EIF3B: variants seen among roughly 807,000 people sequenced by gnomAD.
EIF3B encodes the protein eukaryotic translation initiation factor 3 subunit B.
In EIF3B, 10 loss-of-function variants were observed where a neutral mutation model predicts 104.6. The observed-to-expected ratio is 0.10, with a 90% CI of 0.06 to 0.16. The LOEUF is 0.16. Ranked by LOEUF, EIF3B falls within the 10% of genes least tolerant of loss-of-function variation. The pLI, the probability that EIF3B is intolerant of heterozygous loss-of-function variation, is 1.00. For synonymous variants in EIF3B, 542 were observed against 417.2 expected (o/e 1.30, Z -3.65); for missense variants, 1,014 against 1,087.9 (o/e 0.93, Z 0.96).
intron 11 of EIF3B, 34 bp downstream of exon 11, chr7:2,371,883 G>T: frequency 6.5e-7 from 1 of 1,533,524 alleles, no homozygotes. Flanking sequence ...GAGGCGAATG[G>T]GGCCTACGTG....
At position 2,375,436 on chromosome 7, in the gene EIF3B, T is replaced by C. The variant is rs1387296838; in HGVS notation, c.1937T>C (p.Met646Thr). The C allele has an allele frequency of 6.2e-7, 1 of 1,614,242 alleles. No individual in the cohort carries two copies. The highest frequency in any genetic ancestry group is 2.2e-5 in the East Asian group (1 of 44,886). Residue 646 changes from methionine (M) to threonine (T), a missense_variant, in exon 14 of 19, where the codon ATG becomes ACG. By Grantham distance (81) the Met-to-Thr change is moderately conservative (BLOSUM62 -1). Transcript: ENST00000360876. ...AFVDTSDCTV[M>T]NIAEHYMASD... Reference sequence around the variant, plus strand: ...GTGGACACTTCGGACTGCACGGTCATGAACATCGCAGAGCACTACATGGCT... The same window carrying C: ...GTGGACACTTCGGACTGCACGGTCACGAACATCGCAGAGCACTACATGGCT...
At chr7:2,376,314 G>A (rs1270953582) in intron 14 of EIF3B, 2 of 143,054 alleles carry the variant, frequency 1.4e-5, no homozygotes, top group Admixed American at 7.3e-5. Flanking sequence ...GAGCAACATA[G>A]CGAAACCCTA....
rs768201055 is a variant in EIF3B, at chr7:2,366,318, T to C, written c.1159T>C (p.Tyr387His). 1.2e-6 allele frequency: 2 copies of C among 1,604,014 alleles called. No homozygotes were observed. The highest frequency in any genetic ancestry group is 1.7e-6 in the Non-Finnish European group (2 of 1,175,766). ...QLIDFSPCER[Y>H]LVTFSPLMDT... ...TACAGTGTTGCCCTTCTCTTCTAGG[T>C]ACCTGGTGACCTTTAGCCCCCTGAT... is the stretch of plus-strand genomic sequence containing the variant. The change falls in exon 7 of 19, where the codon TAC becomes CAC. Residue 387 changes from tyrosine to histidine, a missense_variant and splice_region_variant. Transcript: ENST00000360876.
intron 1 of EIF3B, among the ~76,000 whole-genome samples, chr7:2,359,261 G>T (rs768195009): frequency 6.6e-6 from 1 of 152,176 alleles, no homozygotes. Context: ...TGTAGACGAG[G>T]ACTTGATTGA....
rs754477038 is a variant in EIF3B at position 2,366,392 on chromosome 7, G to A, written c.1233G>A (p.Thr411=). ...PQAIIIWDIL[T]GHKKRGFHCE... ...CCATAATCATCTGGGACATCCTTAC[G>A]GGGCACAAGAAGAGGGGTTTTCACT... Residue 411 remains threonine (T), a synonymous_variant, in exon 7 of 19, where the codon ACG becomes ACA. Coordinates refer to ENST00000360876, the MANE Select transcript of EIF3B (RefSeq NM_001037283.2). The A allele has an allele frequency of 9.9e-6, 16 of 1,613,890 alleles. No individual in the cohort carries two copies. The highest frequency in any genetic ancestry group is 4.0e-5 in the African/African-American group (3 of 74,860).
chr7:2,367,773 C>T (rs1015887864), intron 9 of EIF3B, among the ~76,000 whole-genome samples: 2 of 146,058 alleles, frequency 1.4e-5, no homozygotes, highest in African/African-American at 5.1e-5. Context: ...CAGCCTGTCA[C>T]TCAGTTCTTA....
chr7:2,363,604 T>C, intron 4 of EIF3B, 28 bp from the exon 5 acceptor site: 1 of 1,568,592 alleles, frequency 6.4e-7, no homozygotes, highest in Non-Finnish European at 8.6e-7. Context: ...ATTAATGAAA[T>C]GTTATATTCC....
Position 2,355,146 on chromosome 7 carries a change from G to A in EIF3B, c.225G>A (p.Glu75=). Residue 75 remains glutamate, a synonymous_variant, in exon 1 of 19, where the codon GAG becomes GAA. Transcript: ENST00000360876. ...GGACCGAGCCGGCGGCCGAGGCAGAGGCGGCCTCCGGCCCGTCCGAGTCGC... is the reference window on the plus strand; with the variant it reads ...GGACCGAGCCGGCGGCCGAGGCAGAAGCGGCCTCCGGCCCGTCCGAGTCGC... ...EVRTEPAAEA[E]AASGPSESPS... 7.0e-7 allele frequency: 1 copy of A among 1,423,336 alleles called. No individual in the cohort carries two copies. The highest frequency in any genetic ancestry group is 9.1e-7 in the Non-Finnish European group (1 of 1,098,364). 88.2% of individuals were successfully genotyped at this position (1,423,336 alleles called of 1,614,324 possible). A position where few individuals can be genotyped will look rare whatever the true frequency, so the allele number is the denominator to read the frequency against.
rs753386511 is a variant in EIF3B at position 2,372,570 on chromosome 7, C to T, written c.1688-103C>T. 45 of 1,413,604 alleles carry T rather than the reference C, an allele frequency of 3.2e-5. 1 individual carries two copies. The highest frequency in any genetic ancestry group is 3.7e-4 in the Middle Eastern group (2 of 5,406). 87.6% of individuals were successfully genotyped at this position (1,413,604 alleles called of 1,614,324 possible). ...GTCCTTTTAATGAACTTTTACACGTCGGGGGATATTTCTCTGTGGTTGAAT... is the reference window on the plus strand; with the variant it reads ...GTCCTTTTAATGAACTTTTACACGTTGGGGGATATTTCTCTGTGGTTGAAT... On this transcript the variant is annotated intron_variant, in intron 11 of 18. Transcript: ENST00000360876.
At chr7:2,362,960 A>G in intron 3 of EIF3B, 110 bp from the exon 4 acceptor site, 1 of 1,468,658 alleles carries the variant, frequency 6.8e-7, no homozygotes, top group South Asian at 1.1e-5. Context: ...TGCCAGTCAC[A>G]GCCCTGGGGG....
intron 12 of EIF3B, chr7:2,373,500 T>C (rs7783775): frequency 0.8 from 121,418 of 152,242 alleles, 49,348 homozygotes; most frequent in African/African-American, 0.95. Flanking sequence ...TGGGTTTGGC[T>C]CTGTACCAGG....
chr7:2,374,495 G>T (rs373374614), intron 12 of EIF3B, 33 bp from the exon 13 acceptor site: 10 of 1,609,992 alleles, frequency 6.2e-6, no homozygotes, highest in Non-Finnish European at 8.5e-6. Context: ...GGAAGCCCTC[G>T]CAGCTCGTGA....
chr7:2,358,315 C>T (rs762826761), intron 1 of EIF3B, among the ~76,000 whole-genome samples: 33 of 152,056 alleles, frequency 2.2e-4, no homozygotes, highest in Non-Finnish European at 4.7e-4. Context: ...AACTCCTGGC[C>T]TCATGTGATT....
At chr7:2,374,245 A>G (rs889089963) in intron 12 of EIF3B, 2 of 331,486 alleles carry the variant, frequency 6.0e-6, no homozygotes, top group Non-Finnish European at 5.7e-6. Context: ...GCAGCAGTGA[A>G]CATTTGCTGT....
chr7:2,370,108 G>A (rs1181107946), intron 10 of EIF3B, among the ~76,000 whole-genome samples: 2 of 152,184 alleles, frequency 1.3e-5, no homozygotes, highest in African/African-American at 2.4e-5. Flanking sequence ...AGCACAAGGA[G>A]TAGTATACTC....
In EIF3B at chr7:2,378,722, A is replaced by T. The variant is rs753122413; in HGVS notation, c.2188A>T (p.Ile730Phe). The T allele has an allele frequency of 3.7e-6, 6 of 1,614,070 alleles. 1 individual carries two copies. Among genetic ancestry groups the T allele is most frequent in the Non-Finnish European group, 5.1e-6 (6 of 1,179,944 alleles). The change falls in exon 16 of 19, where the codon ATC (isoleucine) becomes TTC (phenylalanine). Residue 730 changes from isoleucine (I) to phenylalanine (F), a missense_variant. By Grantham distance (21) the Ile-to-Phe change is conservative. This residue lies in a region of EIF3B where 266 missense variants were observed against 324.0 expected (regional missense o/e 0.82). Transcript: ENST00000360876. ...AAAGGATCTGAAGAAATACTCTAAGATCTTTGAACAGAAGGATCGTTTGAG... is the reference window on the plus strand; with the variant it reads ...AAAGGATCTGAAGAAATACTCTAAGTTCTTTGAACAGAAGGATCGTTTGAG... ...IKKDLKKYSKIFEQKDRLSQS... is the reference protein window; with the variant it reads ...IKKDLKKYSKFFEQKDRLSQS...
At chr7:2,357,425 C>T (rs1434810569) in intron 1 of EIF3B, among the ~76,000 whole-genome samples, 2 of 152,172 alleles carry the variant, frequency 1.3e-5, no homozygotes, top group Non-Finnish European at 2.9e-5. Flanking sequence ...CCTTCAGGGT[C>T]ATTGTGCAAG....
Position 2,362,525 on chromosome 7 carries a change from G to T in EIF3B, c.693-120G>T, listed in dbSNP as rs746905284. On this transcript the variant is annotated intron_variant, in intron 2 of 18. Coordinates refer to ENST00000360876, the MANE Select transcript of EIF3B (RefSeq NM_001037283.2). ...TGTGACTGCCTTAGGCTCGAGGCAG[G>T]AAGAGCAGCACAGATACTCCTGGCA... 3.2e-4 allele frequency: 415 copies of T among 1,280,890 alleles called. 1 individual carries two copies. Among genetic ancestry groups the T allele is most frequent in the Non-Finnish European group, 4.4e-4 (400 of 916,750 alleles). 79.3% of individuals were successfully genotyped at this position (1,280,890 alleles called of 1,614,324 possible).
At chr7:2,362,944 C>T in intron 3 of EIF3B, 126 bp from the exon 4 acceptor site, 2 of 1,437,794 alleles carry the variant, frequency 1.4e-6, no homozygotes, top group Non-Finnish European at 1.9e-6. Flanking sequence ...GCACCCCTCC[C>T]TGTTATGCCA....
Sources: allele counts gnomAD v4.1 joint callset (sites outside exome capture counted in the v4.1 genomes callset), GRCh38; gene constraint gnomAD v4.1.1; regional missense constraint gnomAD v4.1.1; transcripts MANE v1.5; gene names NCBI Gene and HGNC (gene_info 2026-07-23, HGNC 2026-07-21).